DPP10: variants seen among roughly 807,000 people sequenced by gnomAD.
DPP10 encodes the protein dipeptidyl peptidase like 10.
DPP10 carries 33 observed loss-of-function variants against 120.9 expected under a neutral mutation model. The observed-to-expected ratio is 0.27, with a 90% confidence interval of 0.21 to 0.37. DPP10 has a LOEUF of 0.37. Ranked by LOEUF, DPP10 falls within the 10% of genes least tolerant of loss-of-function variation. DPP10 has a pLI of 1.00. For synonymous variants in DPP10, 337 were observed against 326.1 expected, an observed-to-expected ratio of 1.03 and a Z score of -0.36; for missense variants, 816 against 942.8, an observed-to-expected ratio of 0.87 and a Z score of 1.76.
intron 1 of DPP10, among the ~76,000 whole-genome samples, chr2:114,487,224 C>T (rs1015020439): frequency 1.3e-5 from 2 of 152,100 alleles, no homozygotes; most frequent in Admixed American, 1.3e-4. Context: ...TTGCTTTTGA[C>T]AAGGTACCAG....
At chr2:115,499,780 A>G (rs887205166) in intron 4 of DPP10, among the ~76,000 whole-genome samples, 176 bp downstream of exon 4, 1 of 152,038 alleles carries the variant, frequency 6.6e-6, no homozygotes, top group East Asian at 1.9e-4. Flanking sequence ...CCCTGTGACT[A>G]TCTGCTTCAT....
chr2:114,866,156 T>A (rs12711810), intron 1 of DPP10, among the ~76,000 whole-genome samples: 1 of 149,036 alleles, frequency 6.7e-6, no homozygotes, highest in Non-Finnish European at 1.5e-5. Context: ...AATAAACTTA[T>A]ATGCTTGTTT....
intron 1 of DPP10, among the ~76,000 whole-genome samples, chr2:114,928,374 G>T (rs911396646): frequency 3.9e-5 from 6 of 152,178 alleles, no homozygotes; most frequent in Admixed American, 2.6e-4. Context: ...AAAAGAAAGG[G>T]ATAACAGGCC....
At position 115,842,191 on chromosome 2, in the gene DPP10, CT is replaced by C. The variant is rs1393264479; in HGVS notation, c.2257-17del. On this transcript the variant is annotated intron_variant, in intron 25 of 25. Transcript: ENST00000410059. ...AGCTTCTTGGATAATTTGAAATCTTCTTTCTCCTCAATATCTTAGGTCTACC... is the reference window on the plus strand; with the variant it reads ...AGCTTCTTGGATAATTTGAAATCTTCTTCTCCTCAATATCTTAGGTCTACC... The C allele has an allele frequency of 6.4e-7, 1 of 1,558,004 alleles. No individual in the cohort carries two copies. The highest frequency in any genetic ancestry group is 1.2e-5 in the South Asian group (1 of 83,338).
intron 8 of DPP10, among the ~76,000 whole-genome samples, chr2:115,733,663 A>G (rs2092963893): frequency 6.6e-6 from 1 of 152,100 alleles, no homozygotes; most frequent in South Asian, 2.1e-4. Context: ...ACTGGTCTGA[A>G]CTGACAAACT....
Position 114,950,292 on chromosome 2 carries a change from C to CTTTTT in DPP10, c.61-358930_61-358926dup, listed in dbSNP as rs35889704. Among the ~76,000 whole-genome samples the CTTTTT allele has an allele frequency of 5.0e-4, 45 of 90,794 alleles. 2 individuals are homozygous for CTTTTT. The highest frequency in any genetic ancestry group is 7.3e-4 in the Non-Finnish European group (34 of 46,832). The allele number at this position is 90,794 out of a possible 152,430, so 59.6% of individuals were successfully genotyped here. On this transcript the variant is annotated intron_variant, in intron 1 of 25. Coordinates refer to ENST00000410059, the MANE Select transcript of DPP10 (RefSeq NM_020868.6). ...TAAAAAATAATGAGACCACACCTTG[C>CTTTTT]TTTTTTTTTTTTTTTTTTTTTGAGA...
At chr2:114,787,173 G>A (rs1184454785) in intron 1 of DPP10, among the ~76,000 whole-genome samples, 1 of 152,172 alleles carries the variant, frequency 6.6e-6, no homozygotes, top group Non-Finnish European at 1.5e-5. Context: ...ACTCTGAAGA[G>A]GTAACATCTG....
At chr2:115,138,534 C>A (rs1410618860) in intron 1 of DPP10, among the ~76,000 whole-genome samples, 1 of 152,076 alleles carries the variant, frequency 6.6e-6, no homozygotes, top group Non-Finnish European at 1.5e-5. Context: ...TATATTAACT[C>A]AATGTTTTAT....
At chr2:114,660,479 T>C (rs1159815293) in intron 1 of DPP10, among the ~76,000 whole-genome samples, 1 of 152,096 alleles carries the variant, frequency 6.6e-6, no homozygotes, top group Non-Finnish European at 1.5e-5. Context: ...CTTGGACATA[T>C]AATACTAGAA....
chr2:115,189,740 G>T (rs1320768686), intron 1 of DPP10, among the ~76,000 whole-genome samples: 3 of 152,152 alleles, frequency 2.0e-5, no homozygotes, highest in Non-Finnish European at 4.4e-5. Flanking sequence ...TTTAGTAAGT[G>T]CTGCCTCTAT....
chr2:114,871,959 T>C (rs1240827680), intron 1 of DPP10, among the ~76,000 whole-genome samples: 2 of 152,192 alleles, frequency 1.3e-5, no homozygotes, highest in African/African-American at 4.8e-5. Context: ...TGTGAGCTCC[T>C]TATGAGAATC....
At chr2:115,055,415 GC>G (rs1403860159) in intron 1 of DPP10, among the ~76,000 whole-genome samples, 2 of 152,266 alleles carry the variant, frequency 1.3e-5, no homozygotes, top group African/African-American at 4.8e-5. Flanking sequence ...GGAAAAAGTG[GC>G]TTTCATTTCC....
intron 1 of DPP10, among the ~76,000 whole-genome samples, chr2:114,646,223 C>T (rs538227396): frequency 2.9e-4 from 44 of 151,058 alleles, no homozygotes; most frequent in Non-Finnish European, 5.9e-4. Context: ...ATCAAAAGCA[C>T]TAGTCTGCAT....
chr2:115,088,760 A>AAAAAAAAC (rs1708969819), intron 1 of DPP10, among the ~76,000 whole-genome samples: 2 of 147,690 alleles, frequency 1.4e-5, no homozygotes, highest in East Asian at 1.9e-4. Flanking sequence ...CAAAAAAAAA[A>AAAAAAAAC]AAAAAAAAAC....
chr2:114,780,984 CT>C (rs1682277246), intron 1 of DPP10, among the ~76,000 whole-genome samples: 2 of 152,080 alleles, frequency 1.3e-5, no homozygotes, highest in Admixed American at 1.3e-4. Flanking sequence ...CATATCTTTC[CT>C]ACTAGGATAT....
chr2:115,475,057 A>G (rs1389500625), intron 3 of DPP10, among the ~76,000 whole-genome samples: 1 of 152,164 alleles, frequency 6.6e-6, no homozygotes, highest in African/African-American at 2.4e-5. Context: ...GAGGAATTCA[A>G]ACAGGCTGCA....
At chr2:114,855,690 C>A (rs1689315184) in intron 1 of DPP10, among the ~76,000 whole-genome samples, 1 of 152,134 alleles carries the variant, frequency 6.6e-6, no homozygotes, top group Admixed American at 6.5e-5. Flanking sequence ...ACCAGCTGAT[C>A]TGCTACCAAA....
At chr2:114,638,837 C>G (rs1695491934) in intron 1 of DPP10, among the ~76,000 whole-genome samples, 1 of 151,862 alleles carries the variant, frequency 6.6e-6, no homozygotes, top group East Asian at 1.9e-4. Flanking sequence ...ACATGCACCA[C>G]TTTGTTCATC....
chr2:114,790,715 A>G (rs1245400662), intron 1 of DPP10, among the ~76,000 whole-genome samples: 1 of 152,172 alleles, frequency 6.6e-6, no homozygotes, highest in Non-Finnish European at 1.5e-5. Flanking sequence ...AGCCAGGATG[A>G]GCCAGGAAAA....
Sources: allele counts gnomAD v4.1 joint callset (sites outside exome capture counted in the v4.1 genomes callset), GRCh38; gene constraint gnomAD v4.1.1; transcripts MANE v1.5; gene names NCBI Gene and HGNC (gene_info 2026-07-23, HGNC 2026-07-21).